DACH1: variants seen among roughly 807,000 people sequenced by gnomAD.
DACH1 encodes the protein dachshund homolog 1.
DACH1 carries 12 observed loss-of-function variants against 54.2 expected under a neutral mutation model. That is an observed-to-expected ratio of 0.22 (90% CI 0.14 to 0.36). The LOEUF is 0.36. Ranked by LOEUF, DACH1 falls within the 10% of genes least tolerant of loss-of-function variation. The probability of loss-of-function intolerance (pLI) is 1.00; values close to 1 mark genes in which losing one functional copy is unlikely to be tolerated. For synonymous variants in DACH1, 386 were observed against 366.2 expected, an observed-to-expected ratio of 1.05 and a Z score of -0.62; for missense variants, 805 against 929.8, an observed-to-expected ratio of 0.87 and a Z score of 1.75.
rs1352841933 is a variant in DACH1, at chr13:71,438,956, T to A, written c.*1699A>T. 1 of 152,488 alleles carries A rather than the reference T, an allele frequency of 6.6e-6. No homozygotes were observed. The highest frequency in any genetic ancestry group is 2.4e-5 in the African/African-American group (1 of 41,460). 9.4% of individuals were successfully genotyped at this position (152,488 alleles called of 1,614,324 possible). ...TAACCTTTTTATGGTATTAAAAAGA[T>A]GAACTTAGCTGGCTAATAGTGAGCT... On this transcript the variant is annotated 3_prime_UTR_variant, in exon 11 of 11. Coordinates refer to ENST00000613252, the MANE Select transcript of DACH1 (RefSeq NM_080759.6).
chr13:71,479,060 A>C, intron 8 of DACH1, 109 bp downstream of exon 8: 4 of 1,002,450 alleles, frequency 4.0e-6, no homozygotes, highest in Non-Finnish European at 5.6e-6. Context: ...AACTTTAGCT[A>C]CCGTTAAATT....
chr13:71,567,583 T>C (rs1884967055), intron 4 of DACH1, among the ~76,000 whole-genome samples: 1 of 151,960 alleles, frequency 6.6e-6, no homozygotes, highest in African/African-American at 2.4e-5. Context: ...GAAAACAAAA[T>C]AGTAATGAGA....
chr13:71,621,123 A>AAC (rs148906883), intron 3 of DACH1, among the ~76,000 whole-genome samples: 2 of 151,534 alleles, frequency 1.3e-5, no homozygotes, highest in African/African-American at 4.8e-5. Flanking sequence ...TGGACACACA[A>AAC]ACACACACAC....
chr13:71,711,208 G>A (rs977865143), intron 1 of DACH1, among the ~76,000 whole-genome samples: 7 of 152,040 alleles, frequency 4.6e-5, no homozygotes, highest in African/African-American at 1.7e-4. Flanking sequence ...CAGCAATAAA[G>A]AGCATGAAAA....
chr13:71,558,094 A>C (rs1884366508), intron 5 of DACH1, among the ~76,000 whole-genome samples: 1 of 151,904 alleles, frequency 6.6e-6, no homozygotes, highest in African/African-American at 2.4e-5. Context: ...TTTTTCTCTT[A>C]TGTAAAATAA....
At chr13:71,663,074 T>A (rs1879613891) in intron 2 of DACH1, among the ~76,000 whole-genome samples, 1 of 151,866 alleles carries the variant, frequency 6.6e-6, no homozygotes. Context: ...CACTTCAGAT[T>A]TTCTGCAACA....
chr13:71,676,784 C>A (rs112638571), intron 2 of DACH1, among the ~76,000 whole-genome samples: 1 of 151,930 alleles, frequency 6.6e-6, no homozygotes. Flanking sequence ...TTTTCCAAAA[C>A]GATAAATTTG....
At chr13:71,575,657 C>A (rs144148784) in intron 3 of DACH1, among the ~76,000 whole-genome samples, 117 of 152,040 alleles carry the variant, frequency 7.7e-4, no homozygotes, top group African/African-American at 2.6e-3. Context: ...TCTGTTTTTG[C>A]GTCACAGATA....
intron 2 of DACH1, among the ~76,000 whole-genome samples, chr13:71,636,032 T>A (rs755632745): frequency 6.6e-6 from 1 of 152,034 alleles, no homozygotes; most frequent in African/African-American, 2.4e-5. Context: ...GATCCACCCG[T>A]CTCAGCTTCC....
rs957894407 is a variant in DACH1, at chr13:71,438,787, A to T, written c.*1868T>A. On this transcript the variant is annotated 3_prime_UTR_variant, in exon 11 of 11. Transcript: ENST00000613252. ...GAAACAAACACATAGAACTAGGAAAAGAATCCCTTGTGCTCAAACAACAAA... is the reference window on the plus strand; with the variant it reads ...GAAACAAACACATAGAACTAGGAAATGAATCCCTTGTGCTCAAACAACAAA... 3 of 152,498 alleles carry T rather than the reference A, an allele frequency of 2.0e-5. No individual in the cohort carries two copies. Among genetic ancestry groups the T allele is most frequent in the Admixed American group, 1.3e-4 (2 of 15,254 alleles). The allele number at this position is 152,498 out of a possible 1,614,324, so 9.4% of individuals were successfully genotyped here. A position where few individuals can be genotyped will look rare whatever the true frequency, so the allele number is the denominator to read the frequency against.
chr13:71,769,323 A>C (rs1012930919), intron 1 of DACH1, among the ~76,000 whole-genome samples: 2 of 151,730 alleles, frequency 1.3e-5, no homozygotes, highest in Non-Finnish European at 3.0e-5. Context: ...TATTCTAACA[A>C]AGTGCCAAAA....
At chr13:71,538,396 C>T (rs1384303197) in intron 6 of DACH1, among the ~76,000 whole-genome samples, 1 of 145,166 alleles carries the variant, frequency 6.9e-6, no homozygotes, top group African/African-American at 2.8e-5. Context: ...AACACAATTA[C>T]TTCATCAAAA....
Position 71,683,607 on chromosome 13 carries a change from T to C in DACH1, c.849-1697A>G, listed in dbSNP as rs1299161948. On this transcript the variant is annotated intron_variant, in intron 1 of 10. Transcript: ENST00000613252. ...CTGTTTGCTTGTCTTTGTGTTTTCT[T>C]AACCCATAGGGATATTGTCGTGCTT... Among the ~76,000 whole-genome samples the C allele has an allele frequency of 2.0e-5, 3 of 152,158 alleles. No individual in the cohort carries two copies. The East Asian group carries it at 5.8e-4, about 29-fold the overall frequency.
intron 10 of DACH1, among the ~76,000 whole-genome samples, chr13:71,454,399 T>C (rs1875363762): frequency 6.6e-6 from 1 of 152,176 alleles, no homozygotes; most frequent in African/African-American, 2.4e-5. Flanking sequence ...ACATGATACC[T>C]TCTCCTTAAG....
intron 10 of DACH1, among the ~76,000 whole-genome samples, chr13:71,470,886 G>A (rs1405390245): frequency 6.6e-6 from 1 of 152,144 alleles, no homozygotes; most frequent in Non-Finnish European, 1.5e-5. Flanking sequence ...ATAAGAAGAA[G>A]GCATTGAACA....
chr13:71,775,127 C>CTTTTTTTTTTTTTTTTTT lies in DACH1; in HGVS notation c.848+90777_848+90794dup, dbSNP rs767902341. Reference sequence around the variant, plus strand: ...GAGCAAGACTCCATCTCAACACAAGCTTTTTTTTTTTTTTTTTTTTTTTTT... The same window carrying CTTTTTTTTTTTTTTTTTT: ...GAGCAAGACTCCATCTCAACACAAGCTTTTTTTTTTTTTTTTTTTTTTTTTTTTTTTTTTTTTTTTTTT... On this transcript the variant is annotated intron_variant, in intron 1 of 10. Transcript: ENST00000613252. 3.7e-5 allele frequency among the ~76,000 whole-genome samples: 2 copies of CTTTTTTTTTTTTTTTTTT among 54,028 alleles called. 1 individual carries two copies. The highest frequency in any genetic ancestry group is 1.5e-4 in the African/African-American group (2 of 12,946). 35.4% of individuals were successfully genotyped at this position (54,028 alleles called of 152,430 possible).
At chr13:71,764,302 A>T (rs1016623805) in intron 1 of DACH1, among the ~76,000 whole-genome samples, 7 of 152,166 alleles carry the variant, frequency 4.6e-5, no homozygotes, top group Admixed American at 4.6e-4. Context: ...TGGGAAGCTG[A>T]GACACGAGGA....
intron 1 of DACH1, among the ~76,000 whole-genome samples, chr13:71,706,022 A>G (rs1882423878): frequency 6.6e-6 from 1 of 151,996 alleles, no homozygotes; most frequent in African/African-American, 2.4e-5. Context: ...TTATCAATCA[A>G]GAAATCTAGT....
intron 4 of DACH1, among the ~76,000 whole-genome samples, chr13:71,570,367 T>C (rs1226744516): frequency 6.6e-6 from 1 of 151,562 alleles, no homozygotes; most frequent in African/African-American, 2.4e-5. Context: ...ATGGCCTGTC[T>C]CACAAAATAA....
Sources: gnomAD v4.1 joint callset for allele counts (sites outside exome capture counted in the v4.1 genomes callset) on GRCh38, gnomAD v4.1.1 for gene constraint, MANE v1.5 for transcripts, NCBI Gene and HGNC (gene_info 2026-07-23, HGNC 2026-07-21) for gene names.